Variants in KCNMA1 observed in about 807,000 individuals in gnomAD.
KCNMA1 encodes the protein potassium calcium-activated channel subfamily M alpha 1, also known as Calcium-activated potassium channel subunit alpha-1.
In KCNMA1, 29 loss-of-function variants were observed where a neutral mutation model predicts 140.0. The observed-to-expected ratio is 0.21, with a 90% CI of 0.15 to 0.28. KCNMA1 has a LOEUF of 0.28. Ranked by LOEUF, KCNMA1 falls within the 10% of genes least tolerant of loss-of-function variation. The pLI is 1.00. For missense variants in KCNMA1, 880 were observed against 1,602.2 expected, an observed-to-expected ratio of 0.55 and a Z score of 7.70; for synonymous variants, 612 against 611.9, an observed-to-expected ratio of 1.00 and a Z score of 0.00.
intron 2 of KCNMA1, among the ~76,000 whole-genome samples, chr10:77,386,980 C>T (rs955058761): frequency 2.6e-5 from 4 of 152,000 alleles, no homozygotes; most frequent in African/African-American, 7.3e-5. Flanking sequence ...TTTACAGTGC[C>T]GGGGGAGTGG....
At chr10:76,966,756 A>G (rs1426803227) in intron 20 of KCNMA1, among the ~76,000 whole-genome samples, 1 of 152,162 alleles carries the variant, frequency 6.6e-6, no homozygotes, top group Non-Finnish European at 1.5e-5. Flanking sequence ...AGAGCCGGGG[A>G]CTTGGAAGCC....
intron 24 of KCNMA1, chr10:76,912,667 G>A (rs2050846749): frequency 6.6e-6 from 1 of 152,166 alleles, no homozygotes; most frequent in African/African-American, 2.4e-5. Context: ...GGGGCACCAA[G>A]CTTTTCCTTT....
chr10:77,177,913 C>G (rs2098767419), intron 5 of KCNMA1, among the ~76,000 whole-genome samples: 1 of 152,164 alleles, frequency 6.6e-6, no homozygotes. Flanking sequence ...CAAACAGGAA[C>G]AATGTTTTGT....
At chr10:76,978,505 C>G (rs2078378779) in intron 19 of KCNMA1, 1 of 152,146 alleles carries the variant, frequency 6.6e-6, no homozygotes, top group African/African-American at 2.4e-5. Flanking sequence ...TACAAGCATG[C>G]TAATATATTT....
chr10:77,387,081 G>C (rs528430394), intron 2 of KCNMA1, among the ~76,000 whole-genome samples: 1 of 152,260 alleles, frequency 6.6e-6, no homozygotes, highest in South Asian at 2.1e-4. Flanking sequence ...TGTGATCAGC[G>C]TGTGCTTCAT....
At chr10:77,574,980 C>T (rs1267435525) in intron 1 of KCNMA1, among the ~76,000 whole-genome samples, 1 of 152,196 alleles carries the variant, frequency 6.6e-6, no homozygotes, top group African/African-American at 2.4e-5. Context: ...CAGATCGTAC[C>T]ACCACCCTTT....
intron 3 of KCNMA1, among the ~76,000 whole-genome samples, chr10:77,201,105 G>A (rs1221299023): frequency 6.6e-6 from 1 of 152,132 alleles, no homozygotes; most frequent in Non-Finnish European, 1.5e-5. Context: ...TAGGGGGTGA[G>A]GCTTTCTTTT....
At chr10:77,012,669 A>C in intron 17 of KCNMA1, 1 of 846,224 alleles carries the variant, frequency 1.2e-6, no homozygotes, top group Non-Finnish European at 1.9e-6. Flanking sequence ...TTCCCATGCT[A>C]TCCAGCCCTG....
chr10:77,567,962 G>A (rs546337664), intron 1 of KCNMA1, among the ~76,000 whole-genome samples: 10 of 152,244 alleles, frequency 6.6e-5, no homozygotes, highest in South Asian at 2.1e-4. Context: ...TGTGCTCTAC[G>A]CAAATAAACT....
intron 1 of KCNMA1, among the ~76,000 whole-genome samples, chr10:77,551,725 C>CTCTT (rs748502247): frequency 6.6e-6 from 1 of 152,218 alleles, no homozygotes; most frequent in Non-Finnish European, 1.5e-5. Flanking sequence ...AAGGAAGAGC[C>CTCTT]TCTTTCCCCT....
At chr10:77,609,307 A>G (rs962339774) in intron 1 of KCNMA1, among the ~76,000 whole-genome samples, 1 of 152,358 alleles carries the variant, frequency 6.6e-6, no homozygotes, top group Middle Eastern at 3.4e-3. Flanking sequence ...ACATGGATGA[A>G]CCTAGAGGAC....
chr10:77,281,059 G>T (rs1333815565), intron 2 of KCNMA1, among the ~76,000 whole-genome samples: 1 of 152,108 alleles, frequency 6.6e-6, no homozygotes, highest in African/African-American at 2.4e-5. Flanking sequence ...GAAAATAGGG[G>T]TGTAGATCTC....
At chr10:76,969,215 A>C (rs996701543) in intron 20 of KCNMA1, among the ~76,000 whole-genome samples, 2 of 143,054 alleles carry the variant, frequency 1.4e-5, no homozygotes, top group African/African-American at 5.0e-5. Context: ...TACCAGAGGA[A>C]GCCATAGTCA....
At chr10:77,617,111 G>A (rs1229365483) in intron 1 of KCNMA1, among the ~76,000 whole-genome samples, 2 of 152,202 alleles carry the variant, frequency 1.3e-5, no homozygotes, top group African/African-American at 2.4e-5. Context: ...TCACGTTTGA[G>A]ACCCTGTTTT....
At chr10:76,951,601 T>A (rs1317062929) in intron 21 of KCNMA1, among the ~76,000 whole-genome samples, 1 of 152,180 alleles carries the variant, frequency 6.6e-6, no homozygotes, top group Non-Finnish European at 1.5e-5. Context: ...AAGTAGTTAG[T>A]TTCCCGTGCC....
chr10:76,911,294 A>T (rs1050955085), intron 24 of KCNMA1: 1 of 152,188 alleles, frequency 6.6e-6, no homozygotes, highest in Non-Finnish European at 1.5e-5. Flanking sequence ...TTAAAATGAC[A>T]TCATCTTGTT....
chr10:77,312,612 C>T (rs1170434243), intron 2 of KCNMA1, among the ~76,000 whole-genome samples: 4 of 152,170 alleles, frequency 2.6e-5, no homozygotes, highest in East Asian at 1.9e-4. Flanking sequence ...GGCAACAGAG[C>T]GAGATTCTGT....
chr10:77,086,423 G>T, intron 11 of KCNMA1, 65 bp downstream of exon 11: 1 of 1,207,002 alleles, frequency 8.3e-7, no homozygotes, highest in Non-Finnish European at 1.2e-6. Context: ...TCAGCACAGA[G>T]TCAGGACTCC....
intron 2 of KCNMA1, among the ~76,000 whole-genome samples, chr10:77,348,944 T>A (rs1446774734): frequency 6.6e-6 from 1 of 152,210 alleles, no homozygotes; most frequent in Non-Finnish European, 1.5e-5. Flanking sequence ...TAAAATCTAG[T>A]GCCAAATTCC....
Sources: allele counts gnomAD v4.1 joint callset (sites outside exome capture counted in the v4.1 genomes callset), GRCh38; gene constraint gnomAD v4.1.1; transcripts MANE v1.5; gene names NCBI Gene and HGNC (gene_info 2026-07-23, HGNC 2026-07-21).